Variants in BCAT1 observed in about 807,000 individuals in gnomAD.
The protein encoded by BCAT1 is branched chain amino acid transaminase 1.
In BCAT1, 48 loss-of-function variants were observed where a neutral mutation model predicts 52.4. The ratio of observed to expected loss-of-function variants is 0.92; its 90% CI spans 0.73 to 1.16. The LOEUF is 1.16. Ranked by LOEUF, BCAT1 falls within the 50% of genes most tolerant of loss-of-function variation. The pLI is 0.00. For missense variants in BCAT1, 451 were observed against 457.1 expected (o/e 0.99, Z 0.12); for synonymous variants, 167 against 161.3 (o/e 1.04, Z -0.27).
intron 5 of BCAT1, among the ~76,000 whole-genome samples, chr12:24,872,202 T>C (rs1212758327): frequency 6.6e-6 from 1 of 152,190 alleles, no homozygotes; most frequent in East Asian, 1.9e-4. Flanking sequence ...CAGGCTGAAT[T>C]GTATGTTCAA....
At chr12:24,898,283 A>G (rs371622423) in intron 2 of BCAT1, among the ~76,000 whole-genome samples, 5 of 152,284 alleles carry the variant, frequency 3.3e-5, no homozygotes, top group East Asian at 3.9e-4. Context: ...ACATTCCCTG[A>G]TGACATCGAA....
At chr12:24,911,887 T>C (rs576328282) in intron 1 of BCAT1, among the ~76,000 whole-genome samples, 1 of 152,310 alleles carries the variant, frequency 6.6e-6, no homozygotes. Flanking sequence ...TGGAAAACAA[T>C]TAAGCTTATA....
intron 6 of BCAT1, among the ~76,000 whole-genome samples, chr12:24,849,147 T>C (rs891072385): frequency 1.3e-5 from 2 of 152,218 alleles, no homozygotes; most frequent in Non-Finnish European, 2.9e-5. Flanking sequence ...CGTTCACCCA[T>C]AGGGGCATTC....
intron 1 of BCAT1, among the ~76,000 whole-genome samples, chr12:24,909,408 G>A (rs1174099147): frequency 6.6e-6 from 1 of 152,150 alleles, no homozygotes; most frequent in Non-Finnish European, 1.5e-5. Context: ...CCCATTCAAC[G>A]AAGTAAAATG....
At chr12:24,867,614 A>C (rs11047684) in intron 5 of BCAT1, among the ~76,000 whole-genome samples, 24,452 of 152,278 alleles carry the variant, frequency 0.16, 2,025 homozygotes, top group East Asian at 0.22. Context: ...GATGTTAGTG[A>C]AACAAATATT....
chr12:24,836,823 A>AAGGAAGGAAGGAAGAAAG (rs58633254), intron 7 of BCAT1, among the ~76,000 whole-genome samples: 23,183 of 113,768 alleles, frequency 0.2, 3,047 homozygotes, highest in Non-Finnish European at 0.25. Context: ...GGAAGGAAAG[A>AAGGAAGGAAGGAAGAAAG]AGGAAGGAAG....
intron 8 of BCAT1, among the ~76,000 whole-genome samples, 190 bp from the exon 9 acceptor site, chr12:24,833,053 A>G (rs1265152303): frequency 6.6e-6 from 1 of 152,338 alleles, no homozygotes; most frequent in Non-Finnish European, 1.5e-5. Flanking sequence ...ACCTACTTCA[A>G]GGTCACAGAT....
intron 3 of BCAT1, among the ~76,000 whole-genome samples, chr12:24,893,221 G>A (rs1942886465): frequency 6.6e-6 from 1 of 152,146 alleles, no homozygotes; most frequent in South Asian, 2.1e-4. Context: ...TAATGGATGA[G>A]ACCACTGCTT....
chr12:24,943,848 G>A (rs1202055237), intron 1 of BCAT1, among the ~76,000 whole-genome samples: 4 of 152,216 alleles, frequency 2.6e-5, no homozygotes, highest in South Asian at 2.1e-4. Context: ...GCCGGGCGTG[G>A]TGGCGGGCGC....
chr12:24,928,169 A>G (rs1431191549), intron 1 of BCAT1, among the ~76,000 whole-genome samples: 1 of 152,222 alleles, frequency 6.6e-6, no homozygotes, highest in Non-Finnish European at 1.5e-5. Flanking sequence ...GTCACATAGC[A>G]TGTTTGCAAT....
At chr12:24,915,168 A>G (rs1007263557) in intron 1 of BCAT1, among the ~76,000 whole-genome samples, 2 of 151,986 alleles carry the variant, frequency 1.3e-5, no homozygotes, top group African/African-American at 4.8e-5. Context: ...CTGAGTTTTC[A>G]ACAAAGGCAG....
intron 5 of BCAT1, among the ~76,000 whole-genome samples, chr12:24,867,236 A>G (rs1942046293): frequency 2.6e-5 from 4 of 152,120 alleles, no homozygotes. Context: ...TAAGAACTGT[A>G]ACACTTACCG....
At position 24,810,196 on chromosome 12, in the gene BCAT1, G is replaced by C. The variant is rs994343045; in HGVS notation, c.*7812C>G. On this transcript the variant is annotated 3_prime_UTR_variant, in exon 11 of 11. Coordinates refer to ENST00000261192, the MANE Select transcript of BCAT1 (RefSeq NM_005504.7). ...GTGATTATTCTACAGACCATAGGAA[G>C]CATCTACACCTCAGCTGTCGGCCGT... 1 of 152,034 alleles carries C rather than the reference G, an allele frequency of 6.6e-6. No individual in the cohort carries two copies. Among genetic ancestry groups the C allele is most frequent in the Admixed American group, 6.6e-5 (1 of 15,246 alleles). 9.4% of individuals were successfully genotyped at this position (152,034 alleles called of 1,614,324 possible). A position where few individuals can be genotyped will look rare whatever the true frequency, so the allele number is the denominator to read the frequency against.
intron 2 of BCAT1, among the ~76,000 whole-genome samples, chr12:24,895,424 G>T (rs912647081): frequency 6.6e-6 from 1 of 152,010 alleles, no homozygotes; most frequent in African/African-American, 2.4e-5. Flanking sequence ...TACTCAGGAG[G>T]CTGAGGCAGG....
intron 2 of BCAT1, among the ~76,000 whole-genome samples, chr12:24,898,932 A>C (rs918162401): frequency 6.6e-6 from 1 of 152,194 alleles, no homozygotes; most frequent in Admixed American, 6.5e-5. Context: ...ACTTTATTCT[A>C]GGTTCTTGTG....
At chr12:24,884,486 T>C (rs12423288) in intron 3 of BCAT1, among the ~76,000 whole-genome samples, 3,266 of 152,316 alleles carry the variant, frequency 0.021, 47 homozygotes, top group East Asian at 0.053. Context: ...AGATTAAATT[T>C]CAAATGTTCT....
chr12:24,854,663 T>C (rs567374271), intron 5 of BCAT1, among the ~76,000 whole-genome samples: 7 of 152,310 alleles, frequency 4.6e-5, no homozygotes, highest in East Asian at 1.9e-4. Flanking sequence ...ATAGTATGCA[T>C]TGCTTTTTGG....
intron 1 of BCAT1, among the ~76,000 whole-genome samples, chr12:24,944,904 TA>T (rs1468321062): frequency 6.6e-6 from 1 of 152,220 alleles, no homozygotes. Flanking sequence ...TTTTGGGACA[TA>T]ACTGTCTCTT....
intron 1 of BCAT1, among the ~76,000 whole-genome samples, chr12:24,925,856 T>C (rs1037241157): frequency 4.6e-5 from 7 of 152,194 alleles, no homozygotes; most frequent in African/African-American, 1.7e-4. Flanking sequence ...CCTCCCGAGG[T>C]GCCGGGATTG....
Sources: gnomAD v4.1 joint callset for allele counts (sites outside exome capture counted in the v4.1 genomes callset) on GRCh38, gnomAD v4.1.1 for gene constraint, MANE v1.5 for transcripts, NCBI Gene and HGNC (gene_info 2026-07-23, HGNC 2026-07-21) for gene names.